NAV3: variants seen among roughly 807,000 people sequenced by gnomAD.
NAV3 encodes the protein neuron navigator 3, also known as pore membrane and/or filament interacting like protein 1.
NAV3 carries 87 observed loss-of-function variants against 244.7 expected under a neutral mutation model. The observed-to-expected ratio is 0.36, with a 90% CI of 0.30 to 0.42. The LOEUF (loss-of-function observed/expected upper bound fraction) is 0.42. NAV3 is among the 20% of genes least tolerant of loss of function. The pLI, the probability that NAV3 is intolerant of heterozygous loss-of-function variation, is 1.00. For missense variants in NAV3, 2,663 were observed against 2,893.3 expected, an observed-to-expected ratio of 0.92 and a Z score of 1.83; for synonymous variants, 1,126 against 1,042.2, an observed-to-expected ratio of 1.08 and a Z score of -1.55.
intron 31 of NAV3, 26 bp from the exon 32 acceptor site, chr12:78,188,222 T>C: frequency 1.3e-6 from 2 of 1,501,206 alleles, no homozygotes; most frequent in Non-Finnish European, 1.8e-6. Flanking sequence ...TTGGATTTTA[T>C]CTTACTTTAT....
At chr12:78,048,087 C>G (rs989547708) in intron 9 of NAV3, among the ~76,000 whole-genome samples, 1 of 152,152 alleles carries the variant, frequency 6.6e-6, no homozygotes, top group Non-Finnish European at 1.5e-5. Context: ...CTCCACTAAA[C>G]TGGTTATTCT....
At chr12:77,996,419 G>C (rs1872356527) in intron 6 of NAV3, among the ~76,000 whole-genome samples, 1 of 152,146 alleles carries the variant, frequency 6.6e-6, no homozygotes, top group Non-Finnish European at 1.5e-5. Flanking sequence ...CTAATACTTT[G>C]TATGACACAA....
chr12:78,136,644 C>G (rs1376641313), intron 18 of NAV3, among the ~76,000 whole-genome samples: 1 of 152,116 alleles, frequency 6.6e-6, no homozygotes, highest in African/African-American at 2.4e-5. Flanking sequence ...TTATTATACA[C>G]TATTTCCTTA....
At chr12:77,825,141 G>T (rs182673200) in intron 2 of NAV3, among the ~76,000 whole-genome samples, 71 of 152,184 alleles carry the variant, frequency 4.7e-4, no homozygotes, top group Admixed American at 3.9e-4. Flanking sequence ...AAAAACGGAG[G>T]CAAAGCAAAC....
At chr12:78,025,815 A>T (rs1410295050) in intron 9 of NAV3, among the ~76,000 whole-genome samples, 1 of 151,944 alleles carries the variant, frequency 6.6e-6, no homozygotes, top group Non-Finnish European at 1.5e-5. Flanking sequence ...TCACCATATG[A>T]TCTCTGCACA....
chr12:78,181,226 G>T (rs1565771204), intron 30 of NAV3, among the ~76,000 whole-genome samples, 181 bp downstream of exon 30: 1 of 151,980 alleles, frequency 6.6e-6, no homozygotes, highest in Non-Finnish European at 1.5e-5. Context: ...CACATTCTCT[G>T]TCCAAAAGTC....
chr12:77,950,615 T>C (rs1890779825), intron 3 of NAV3: 1 of 152,068 alleles, frequency 6.6e-6, no homozygotes, highest in Admixed American at 6.6e-5. Flanking sequence ...GCCAAGACAA[T>C]CCTAAGCCAA....
intron 2 of NAV3, among the ~76,000 whole-genome samples, chr12:77,672,124 A>T (rs192066191): frequency 2.1e-4 from 32 of 152,330 alleles, no homozygotes; most frequent in Admixed American, 7.2e-4. Flanking sequence ...TTAAAAGAAG[A>T]TATACAAATG....
At chr12:78,033,383 A>G (rs757530961) in intron 9 of NAV3, among the ~76,000 whole-genome samples, 1 of 152,156 alleles carries the variant, frequency 6.6e-6, no homozygotes, top group Non-Finnish European at 1.5e-5. Flanking sequence ...TATAATAGCT[A>G]TAACTTATTT....
intron 1 of NAV3, among the ~76,000 whole-genome samples, chr12:77,840,079 A>T (rs1723238520): frequency 6.6e-6 from 1 of 152,162 alleles, no homozygotes; most frequent in Non-Finnish European, 1.5e-5. Flanking sequence ...TCTAAAAAAT[A>T]AAAAAATAAA....
chr12:77,749,046 T>C (rs1261147516), intron 2 of NAV3, among the ~76,000 whole-genome samples: 1 of 152,208 alleles, frequency 6.6e-6, no homozygotes, highest in Non-Finnish European at 1.5e-5. Flanking sequence ...GTAAGTGTGA[T>C]GTACAAACTC....
At chr12:78,122,504 T>A in intron 16 of NAV3, 76 bp downstream of exon 16, 2 of 1,480,456 alleles carry the variant, frequency 1.4e-6, no homozygotes, top group South Asian at 2.8e-5. Context: ...CCCATTAAAT[T>A]CCCTTGATTT....
intron 11 of NAV3, among the ~76,000 whole-genome samples, chr12:78,057,560 A>G (rs1883692533): frequency 6.6e-6 from 1 of 152,136 alleles, no homozygotes; most frequent in African/African-American, 2.4e-5. Flanking sequence ...GACTCTAGAA[A>G]CTCTAATGCA....
intron 1 of NAV3, among the ~76,000 whole-genome samples, chr12:77,854,684 A>G (rs1878102422): frequency 6.6e-6 from 1 of 152,124 alleles, no homozygotes; most frequent in Non-Finnish European, 1.5e-5. Flanking sequence ...ACAACATATA[A>G]TTTCAAATCA....
chr12:77,794,433 T>G (rs11106712), intron 2 of NAV3, among the ~76,000 whole-genome samples: 2 of 152,318 alleles, frequency 1.3e-5, no homozygotes, highest in East Asian at 3.9e-4. Flanking sequence ...CAGTCTCTAG[T>G]CAAGATCCCA....
chr12:77,836,151 C>G (rs550434960), intron 1 of NAV3, among the ~76,000 whole-genome samples: 1 of 152,168 alleles, frequency 6.6e-6, no homozygotes, highest in Non-Finnish European at 1.5e-5. Context: ...TGCCTTGGAA[C>G]CTTTACTTAA....
chr12:77,602,786 AG>A (rs1870498103), intron 2 of NAV3, among the ~76,000 whole-genome samples: 1 of 152,034 alleles, frequency 6.6e-6, no homozygotes, highest in Admixed American at 6.6e-5. Flanking sequence ...CCTACCTGTC[AG>A]AAGACAACTT....
intron 1 of NAV3, among the ~76,000 whole-genome samples, chr12:77,934,374 C>G (rs1889120139): frequency 6.6e-6 from 1 of 152,124 alleles, no homozygotes; most frequent in Admixed American, 6.5e-5. Flanking sequence ...CTTCTTTCTT[C>G]CAGAAAATTC....
At chr12:77,577,923 G>T (rs1412731072) in intron 2 of NAV3, among the ~76,000 whole-genome samples, 1 of 151,970 alleles carries the variant, frequency 6.6e-6, no homozygotes, top group African/African-American at 2.4e-5. Flanking sequence ...TAGTGAGCTG[G>T]GCCATCTGAT....
Sources: gnomAD v4.1 joint callset for allele counts (sites outside exome capture counted in the v4.1 genomes callset) on GRCh38, gnomAD v4.1.1 for gene constraint, MANE v1.5 for transcripts, NCBI Gene and HGNC (gene_info 2026-07-23, HGNC 2026-07-21) for gene names.